The following RAD51B variants were observed in gnomAD, a reference collection of about 807,000 sequenced individuals.
RAD51B encodes DNA repair protein RAD51 homolog 2.
In RAD51B, 38 loss-of-function variants were observed where a neutral mutation model predicts 42.2. The ratio of observed to expected loss-of-function variants is 0.90; its 90% CI spans 0.70 to 1.18. RAD51B has a LOEUF of 1.18. Ranked by LOEUF, RAD51B falls within the 50% of genes most tolerant of loss-of-function variation. RAD51B has a pLI of 0.00. For missense variants in RAD51B, 373 were observed against 400.7 expected, an observed-to-expected ratio of 0.93 and a Z score of 0.59; for synonymous variants, 154 against 145.2, an observed-to-expected ratio of 1.06 and a Z score of -0.43.
chr14:68,210,939 A>T (rs2079692636), intron 7 of RAD51B, among the ~76,000 whole-genome samples: 1 of 152,116 alleles, frequency 6.6e-6, no homozygotes, highest in Non-Finnish European at 1.5e-5. Context: ...CTCTATTTAA[A>T]ATGTTCATTT....
intron 8 of RAD51B, among the ~76,000 whole-genome samples, chr14:68,373,512 C>T (rs755470696): frequency 2.6e-5 from 4 of 152,040 alleles, no homozygotes; most frequent in Non-Finnish European, 5.9e-5. Flanking sequence ...AGCAAACTAA[C>T]GCAGGAACAG....
chr14:68,329,798 G>A (rs180913389), intron 8 of RAD51B, among the ~76,000 whole-genome samples: 4 of 152,066 alleles, frequency 2.6e-5, no homozygotes, highest in Non-Finnish European at 5.9e-5. Context: ...TGACCAACAT[G>A]GTGAAACCCC....
intron 7 of RAD51B, chr14:68,130,319 C>T (rs987957567): frequency 2.0e-5 from 3 of 152,216 alleles, no homozygotes; most frequent in African/African-American, 7.2e-5. Context: ...TTATTATATA[C>T]ATCAGCCTCT....
At chr14:68,394,024 C>T (rs2083838740) in intron 8 of RAD51B, among the ~76,000 whole-genome samples, 1 of 152,138 alleles carries the variant, frequency 6.6e-6, no homozygotes, top group Admixed American at 6.5e-5. Context: ...GCTGACTGAA[C>T]AGTGAGCCAG....
chr14:68,558,205 C>T (rs1325177537), intron 10 of RAD51B, among the ~76,000 whole-genome samples: 1 of 152,172 alleles, frequency 6.6e-6, no homozygotes, highest in Non-Finnish European at 1.5e-5. Flanking sequence ...CATAACCTTT[C>T]AAGTGTTGGT....
At chr14:68,583,179 G>A (rs1890291375) in intron 10 of RAD51B, among the ~76,000 whole-genome samples, 1 of 152,126 alleles carries the variant, frequency 6.6e-6, no homozygotes, top group Non-Finnish European at 1.5e-5. Context: ...AAAAAGAAAT[G>A]TCCTGCCTCA....
intron 7 of RAD51B, among the ~76,000 whole-genome samples, chr14:67,888,337 A>G (rs1489172094): frequency 2.6e-5 from 4 of 152,214 alleles, no homozygotes; most frequent in Non-Finnish European, 5.9e-5. Flanking sequence ...GAAATACTGT[A>G]TAAAGATACT....
chr14:68,338,662 C>G, intron 8 of RAD51B: 1 of 284,718 alleles, frequency 3.5e-6, no homozygotes, highest in Non-Finnish European at 6.9e-6. Flanking sequence ...TATTTTTTTT[C>G]TTTTTTGAAG....
At chr14:67,943,537 C>T (rs1018252990) in intron 7 of RAD51B, among the ~76,000 whole-genome samples, 3 of 152,166 alleles carry the variant, frequency 2.0e-5, no homozygotes, top group Admixed American at 1.3e-4. Context: ...TTATTCCACC[C>T]ATCCCTCCAT....
chr14:68,496,406 A>G (rs1884523233), intron 10 of RAD51B, among the ~76,000 whole-genome samples: 1 of 152,126 alleles, frequency 6.6e-6, no homozygotes, highest in African/African-American at 2.4e-5. Flanking sequence ...CTCTGGGCCA[A>G]TGTGGATGCT....
At chr14:68,122,295 T>A (rs1047727227) in intron 7 of RAD51B, among the ~76,000 whole-genome samples, 2 of 152,100 alleles carry the variant, frequency 1.3e-5, no homozygotes, top group Non-Finnish European at 2.9e-5. Flanking sequence ...AAATGACAAA[T>A]GAAAATCTGG....
intron 10 of RAD51B, among the ~76,000 whole-genome samples, chr14:68,644,914 A>C (rs781548691): frequency 6.6e-6 from 1 of 152,124 alleles, no homozygotes; most frequent in Non-Finnish European, 1.5e-5. Context: ...TCCTGCACAT[A>C]TTGTTTTATA....
intron 7 of RAD51B, among the ~76,000 whole-genome samples, chr14:67,889,969 C>T (rs1036614957): frequency 6.6e-6 from 1 of 152,132 alleles, no homozygotes; most frequent in Non-Finnish European, 1.5e-5. Flanking sequence ...GTAAGTGATA[C>T]TCTGCCATTG....
At chr14:68,224,158 T>TAA in intron 7 of RAD51B, among the ~76,000 whole-genome samples, 1 of 152,216 alleles carries the variant, frequency 6.6e-6, no homozygotes, top group African/African-American at 2.4e-5. Context: ...CCGGATCTTT[T>TAA]ATACCACCTC....
intron 8 of RAD51B, among the ~76,000 whole-genome samples, chr14:68,372,599 C>T (rs976231863): frequency 2.0e-5 from 3 of 152,088 alleles, no homozygotes; most frequent in Non-Finnish European, 4.4e-5. Context: ...TACATCACAG[C>T]AGGATTCCTG....
chr14:68,335,905 C>T (rs922785772), intron 8 of RAD51B, among the ~76,000 whole-genome samples: 2 of 152,184 alleles, frequency 1.3e-5, no homozygotes, highest in African/African-American at 2.4e-5. Flanking sequence ...GGTTAAAAGT[C>T]TCTGTGGTCA....
At chr14:68,464,857 CATT>C (rs1428737072) in intron 9 of RAD51B, among the ~76,000 whole-genome samples, 5 of 152,188 alleles carry the variant, frequency 3.3e-5, no homozygotes, top group African/African-American at 1.2e-4. Flanking sequence ...TTTGATGACT[CATT>C]ATAAATCCTG....
At chr14:68,007,324 C>G (rs1214043136) in intron 7 of RAD51B, among the ~76,000 whole-genome samples, 1 of 152,012 alleles carries the variant, frequency 6.6e-6, no homozygotes, top group Non-Finnish European at 1.5e-5. Flanking sequence ...GCTATGAATA[C>G]TTGTATCTAC....
At chr14:68,360,803 C>T (rs1160755496) in intron 8 of RAD51B, among the ~76,000 whole-genome samples, 3 of 152,206 alleles carry the variant, frequency 2.0e-5, no homozygotes, top group Non-Finnish European at 2.9e-5. Flanking sequence ...GGAAGATGGT[C>T]TGTTTCTATG....
Sources: gnomAD v4.1 joint callset for allele counts (sites outside exome capture counted in the v4.1 genomes callset) on GRCh38, gnomAD v4.1.1 for gene constraint, MANE v1.5 for transcripts, NCBI Gene and HGNC (gene_info 2026-07-23, HGNC 2026-07-21) for gene names.